RBPJ: variants seen among roughly 807,000 people sequenced by gnomAD.
RBPJ encodes the protein recombination signal binding protein for immunoglobulin kappa J region.
Under a neutral mutation model 67.8 loss-of-function variants are expected in RBPJ, and 9 were observed. The ratio of observed to expected loss-of-function variants is 0.13; its 90% CI spans 0.08 to 0.23. The LOEUF (loss-of-function observed/expected upper bound fraction) is 0.23, where lower values mean the gene tolerates loss of function less well. Among genes scored for constraint, RBPJ ranks in the 10% least tolerant of loss-of-function variants. RBPJ has a pLI of 1.00. For synonymous variants in RBPJ, 198 were observed against 203.3 expected (o/e 0.97, Z 0.22); for missense variants, 305 against 595.6 (o/e 0.51, Z 5.08).
chr4:26,109,491 T>TATACAC, the RBPJ span, among the ~76,000 whole-genome samples: 1 of 41,404 alleles, frequency 2.4e-5, no homozygotes, highest in African/African-American at 1.2e-4. Context: ...TATATATATA[T>TATACAC]ACACACACAC....
intron 1 of RBPJ, chr4:26,322,156 G>T (rs1405901051): frequency 6.6e-6 from 1 of 152,438 alleles, no homozygotes; most frequent in Non-Finnish European, 1.5e-5. Context: ...GCTGTCTGTC[G>T]AAGCTTTGCA....
intron 1 of RBPJ, among the ~76,000 whole-genome samples, chr4:26,287,605 G>A (rs1247611265): frequency 3.4e-4 from 3 of 8,954 alleles, no homozygotes; most frequent in East Asian, 4.6e-3. Flanking sequence ...GGAGGGGAGG[G>A]GAGGGGAGGG....
chr4:26,283,805 C>T (rs113396619), intron 1 of RBPJ, among the ~76,000 whole-genome samples: 56 of 152,206 alleles, frequency 3.7e-4, no homozygotes, highest in Non-Finnish European at 6.6e-4. Flanking sequence ...TGTCACCATG[C>T]CTAGCTAATT....
intron 5 of RBPJ, among the ~76,000 whole-genome samples, chr4:26,421,117 A>C (rs1020064722): frequency 6.6e-6 from 1 of 152,166 alleles, no homozygotes; most frequent in African/African-American, 2.4e-5. Flanking sequence ...TACCCCTTTG[A>C]AAAACGCTAC....
the RBPJ span, among the ~76,000 whole-genome samples, chr4:26,109,501 C>CAT: frequency 1.1e-3 from 52 of 49,218 alleles, 4 homozygotes; most frequent in Non-Finnish European, 1.9e-3. Context: ...TACACACACA[C>CAT]ATATATATAT....
intron 1 of RBPJ, among the ~76,000 whole-genome samples, chr4:26,201,055 T>G (rs1411120989): frequency 2.6e-5 from 4 of 152,228 alleles, no homozygotes; most frequent in African/African-American, 9.6e-5. Context: ...TCTCTTACTC[T>G]TAAGATAATC....
intron 1 of RBPJ, among the ~76,000 whole-genome samples, chr4:26,238,548 C>G (rs1719526281): frequency 6.6e-6 from 1 of 152,150 alleles, no homozygotes; most frequent in South Asian, 2.1e-4. Context: ...ACTGTTGTGG[C>G]CAAAGGTCAC....
intron 2 of RBPJ, among the ~76,000 whole-genome samples, chr4:26,391,476 G>A (rs1414094463): frequency 6.6e-6 from 1 of 151,746 alleles, no homozygotes; most frequent in African/African-American, 2.4e-5. Flanking sequence ...CACACACAAA[G>A]TAACTACAGT....
intron 1 of RBPJ, among the ~76,000 whole-genome samples, chr4:26,339,222 C>T (rs529202038): frequency 1.3e-5 from 2 of 152,206 alleles, no homozygotes; most frequent in South Asian, 4.1e-4. Flanking sequence ...TCTCTAGTTG[C>T]GTTCAGACCT....
the RBPJ span, among the ~76,000 whole-genome samples, chr4:26,145,426 A>T: frequency 6.6e-6 from 1 of 151,846 alleles, no homozygotes; most frequent in East Asian, 1.9e-4. Context: ...TAAACATGAA[A>T]CTCCCCTGAG....
chr4:26,329,081 C>T (rs1431576497), intron 1 of RBPJ, among the ~76,000 whole-genome samples: 1 of 152,184 alleles, frequency 6.6e-6, no homozygotes, highest in African/African-American at 2.4e-5. Flanking sequence ...GCAACATATG[C>T]CTCCCGGGTT....
the RBPJ span, among the ~76,000 whole-genome samples, chr4:26,153,035 G>A: frequency 7.2e-5 from 11 of 152,142 alleles, no homozygotes; most frequent in African/African-American, 1.9e-4. Flanking sequence ...AGTCTAAACA[G>A]GAAATTATTT....
At chr4:26,368,780 T>C (rs1728869611) in intron 1 of RBPJ, among the ~76,000 whole-genome samples, 1 of 152,256 alleles carries the variant, frequency 6.6e-6, no homozygotes, top group African/African-American at 2.4e-5. Context: ...ACTCCTTTGT[T>C]GTTGAATTTT....
At chr4:26,293,310 CTT>C (rs113547409) in intron 1 of RBPJ, among the ~76,000 whole-genome samples, 1 of 144,454 alleles carries the variant, frequency 6.9e-6, no homozygotes, top group African/African-American at 2.5e-5. Flanking sequence ...CCTCAGCTTC[CTT>C]TTTTTTTTTA....
intron 1 of RBPJ, chr4:26,359,775 C>G (rs897757163): frequency 6.6e-6 from 1 of 150,702 alleles, no homozygotes; most frequent in African/African-American, 2.4e-5. Flanking sequence ...CTCGGCGTCC[C>G]GTGAGCACCC....
chr4:26,410,888 G>A (rs1733944679), intron 3 of RBPJ, among the ~76,000 whole-genome samples: 2 of 152,178 alleles, frequency 1.3e-5, no homozygotes, highest in South Asian at 2.1e-4. Context: ...TGTGCATATC[G>A]CCACCAAGTG....
At chr4:26,336,655 C>CAAAAA (rs11394703) in intron 1 of RBPJ, among the ~76,000 whole-genome samples, 2 of 137,960 alleles carry the variant, frequency 1.4e-5, no homozygotes, top group Non-Finnish European at 3.1e-5. Flanking sequence ...GTTTCTTTAC[C>CAAAAA]AAAAAAAAAA....
chr4:26,325,083 T>C (rs1187022559), intron 1 of RBPJ, among the ~76,000 whole-genome samples: 1 of 152,220 alleles, frequency 6.6e-6, no homozygotes, highest in African/African-American at 2.4e-5. Flanking sequence ...TTCTCTGTTC[T>C]TGGTAGATGA....
chr4:26,333,875 A>T (rs1481844967), intron 1 of RBPJ, among the ~76,000 whole-genome samples: 1 of 151,958 alleles, frequency 6.6e-6, no homozygotes, highest in Non-Finnish European at 1.5e-5. Flanking sequence ...TTTATTGTAG[A>T]GACAGGGTCT....
Sources: allele counts gnomAD v4.1 joint callset (sites outside exome capture counted in the v4.1 genomes callset), GRCh38; gene constraint gnomAD v4.1.1; transcripts MANE v1.5; gene names NCBI Gene and HGNC (gene_info 2026-07-23, HGNC 2026-07-21).